The following ACER1 variants were observed in gnomAD, a reference collection of about 807,000 sequenced individuals.
ACER1 encodes the protein CTB-180A7.3.
Under a neutral mutation model 24.9 loss-of-function variants are expected in ACER1, and 28 were observed. The observed-to-expected ratio is 1.13, with a 90% confidence interval of 0.83 to 1.54. ACER1 has a LOEUF of 1.54. Among genes scored for constraint, ACER1 ranks in the 40% most tolerant of loss-of-function variants. The pLI is 0.00. For missense variants in ACER1, 352 were observed against 349.3 expected (o/e 1.01, Z -0.06); for synonymous variants, 132 against 131.4 (o/e 1.00, Z -0.03).
At chr19:6,309,508 C>T (rs981399920) in intron 4 of ACER1, among the ~76,000 whole-genome samples, 189 bp downstream of exon 4, 5 of 151,282 alleles carry the variant, frequency 3.3e-5, no homozygotes, top group African/African-American at 7.4e-5. Context: ...GGCAACAGAG[C>T]GAGGATCCGT....
intron 1 of ACER1, among the ~76,000 whole-genome samples, chr19:6,323,488 G>A (rs1053553867): frequency 5.3e-5 from 8 of 151,894 alleles, no homozygotes; most frequent in Non-Finnish European, 8.8e-5. Flanking sequence ...TTTGCCTGCT[G>A]CCATCCACGT....
intron 4 of ACER1, among the ~76,000 whole-genome samples, chr19:6,307,905 G>A (rs920407750): frequency 2.6e-5 from 4 of 151,756 alleles, no homozygotes; most frequent in Non-Finnish European, 5.9e-5. Context: ...TGGCCAACAT[G>A]GTGAAACTCT....
chr19:6,323,435 AAAAG>A (rs149379443), intron 1 of ACER1, among the ~76,000 whole-genome samples: 1,950 of 151,992 alleles, frequency 0.013, 10 homozygotes, highest in Non-Finnish European at 0.019. Flanking sequence ...AAAAAAGAAA[AAAAG>A]AAAAAAAAAT....
At chr19:6,313,772 A>C (rs1241338146) in intron 1 of ACER1, among the ~76,000 whole-genome samples, 1 of 152,214 alleles carries the variant, frequency 6.6e-6, no homozygotes, top group Non-Finnish European at 1.5e-5. Context: ...TCATAAAAGG[A>C]ACTGTGGCTT....
intron 1 of ACER1, among the ~76,000 whole-genome samples, chr19:6,327,883 T>G (rs919656528): frequency 2.0e-5 from 3 of 151,584 alleles, no homozygotes; most frequent in Admixed American, 6.6e-5. Context: ...GAGACCAGCC[T>G]GGCCAACATG....
At chr19:6,354,126 G>C in the ACER1 span, among the ~76,000 whole-genome samples, 1 of 151,718 alleles carries the variant, frequency 6.6e-6, no homozygotes, top group East Asian at 1.9e-4. Context: ...AGGCTGCAGT[G>C]AGCCAAGATC....
chr19:6,320,665 C>T (rs895882659), intron 1 of ACER1, among the ~76,000 whole-genome samples: 1 of 152,010 alleles, frequency 6.6e-6, no homozygotes, highest in Admixed American at 6.6e-5. Context: ...CTCACAGCAC[C>T]ATGGTTAAGG....
chr19:6,332,825 C>T (rs915108121), intron 1 of ACER1, among the ~76,000 whole-genome samples: 12 of 152,066 alleles, frequency 7.9e-5, no homozygotes, highest in African/African-American at 2.9e-4. Context: ...TGCCTGACAC[C>T]GTACCCAGCT....
chr19:6,350,872 C>A, the ACER1 span, among the ~76,000 whole-genome samples: 564 of 152,250 alleles, frequency 3.7e-3, 5 homozygotes, highest in Non-Finnish European at 6.1e-3. Context: ...TTTCCTGGCT[C>A]CTCGGCAGCC....
chr19:6,354,239 C>A, the ACER1 span, among the ~76,000 whole-genome samples: 2 of 151,702 alleles, frequency 1.3e-5, no homozygotes, highest in African/African-American at 4.8e-5. Context: ...AATAGTGATT[C>A]TCAGCTGGGA....
chr19:6,329,207 A>G (rs1319271001), intron 1 of ACER1, among the ~76,000 whole-genome samples: 1 of 151,524 alleles, frequency 6.6e-6, no homozygotes, highest in Admixed American at 6.6e-5. Flanking sequence ...TTTGCCACCC[A>G]CTCCACCCTT....
chr19:6,344,356 C>T, the ACER1 span, among the ~76,000 whole-genome samples: 1 of 151,422 alleles, frequency 6.6e-6, no homozygotes, highest in Non-Finnish European at 1.5e-5. Flanking sequence ...GCATGAGAAG[C>T]GCTTGAACCC....
chr19:6,312,202 G>A lies in ACER1; in HGVS notation c.297C>T (p.Gly99=), dbSNP rs1267876889. 6.2e-7 allele frequency: 1 copy of A among 1,614,026 alleles called. No homozygotes were observed. The highest frequency in any genetic ancestry group is 1.1e-5 in the South Asian group (1 of 91,066). The change falls in exon 3 of 6, where the codon GGC becomes GGT. Residue 99 remains glycine (G), a synonymous_variant. Coordinates refer to ENST00000301452, the MANE Select transcript of ACER1 (RefSeq NM_133492.3). The stretch of plus-strand genomic sequence containing the variant: ...AGCAGCGGGGCATCCATATGCTATA[G>A]CCACTGCCCAGGAGCCACAGGATGG... ...EIAILWLLGS[G]YSIWMPRCYF...
the ACER1 span, among the ~76,000 whole-genome samples, chr19:6,355,187 C>T: frequency 6.6e-6 from 1 of 152,052 alleles, no homozygotes; most frequent in African/African-American, 2.4e-5. Flanking sequence ...CTCCACCTCC[C>T]AGCCGCCTGC....
At chr19:6,355,643 G>C in the ACER1 span, among the ~76,000 whole-genome samples, 1 of 142,686 alleles carries the variant, frequency 7.0e-6, no homozygotes, top group Non-Finnish European at 1.5e-5. Flanking sequence ...CCCCCCGCCC[G>C]GCCAGCCGCC....
upstream of ACER1, among the ~76,000 whole-genome samples, chr19:6,336,527 A>G (rs370996755): frequency 1.9e-4 from 29 of 152,274 alleles, no homozygotes; most frequent in East Asian, 2.5e-3. Flanking sequence ...TTCCATAAAA[A>G]GATAAATTGT....
the ACER1 span, among the ~76,000 whole-genome samples, chr19:6,347,131 T>TATAA: frequency 0.019 from 2,520 of 134,224 alleles, 109 homozygotes; most frequent in African/African-American, 0.062. Context: ...TATATATATA[T>TATAA]AAAATAATAA....
chr19:6,320,989 G>GTT (rs398059534), intron 1 of ACER1, among the ~76,000 whole-genome samples: 4 of 139,320 alleles, frequency 2.9e-5, no homozygotes, highest in East Asian at 2.1e-4. Flanking sequence ...GCTGTGGGTT[G>GTT]TTTTTTTTTT....
chr19:6,311,805 A>C (rs546338124), intron 3 of ACER1, among the ~76,000 whole-genome samples: 3 of 152,082 alleles, frequency 2.0e-5, no homozygotes, highest in Admixed American at 6.6e-5. Flanking sequence ...AGATGCCAGG[A>C]ACGCCAGGTG....
Sources: gnomAD v4.1 joint callset for allele counts (sites outside exome capture counted in the v4.1 genomes callset) on GRCh38, gnomAD v4.1.1 for gene constraint, MANE v1.5 for transcripts, NCBI Gene and HGNC (gene_info 2026-07-23, HGNC 2026-07-21) for gene names.